Variants in ODF2L observed in about 807,000 individuals in gnomAD.
The protein encoded by ODF2L is outer dense fiber of sperm tails 2 like.
In ODF2L, 76 loss-of-function variants were observed where a neutral mutation model predicts 86.3. That is an observed-to-expected ratio of 0.88 (90% CI 0.73 to 1.07). The LOEUF is 1.07. Ranked by LOEUF, ODF2L falls within the 50% of genes least tolerant of loss-of-function variation. The pLI is 0.00. For synonymous variants in ODF2L, 241 were observed against 231.3 expected (o/e 1.04, Z -0.38); for missense variants, 748 against 717.4 (o/e 1.04, Z -0.49).
In ODF2L at chr1:86,358,243, C is replaced by A. The variant is rs531087359; in HGVS notation, c.1359+544G>T. 6 of 200,066 alleles carry A rather than the reference C, an allele frequency of 3.0e-5. No homozygotes were observed. The South Asian group carries it at 5.3e-4, about 18-fold the overall frequency. The allele number at this position is 200,066 out of a possible 1,614,324, so 12.4% of individuals were successfully genotyped here. A position where few individuals can be genotyped will look rare whatever the true frequency, so the allele number is the denominator to read the frequency against. On this transcript the variant is annotated intron_variant, in intron 13 of 17. Transcript: ENST00000317336. ...TTCTTTACCAAAACAACACAAAAAA[C>A]CAAACAGAGATGCGGTTTCATTTAA...
rs558423770 is a variant in ODF2L at position 86,388,030 on chromosome 1, T to C, written c.-59-944A>G. On this transcript the variant is annotated intron_variant, in intron 1 of 17. Coordinates refer to ENST00000317336, the Ensembl canonical transcript of ODF2L. Reference sequence around the variant, plus strand: ...CCTTCCAAAGTGTCCATAAAATGTATATATTTTATCTGAATGTTCTATATA... The same window carrying C: ...CCTTCCAAAGTGTCCATAAAATGTACATATTTTATCTGAATGTTCTATATA... Among the ~76,000 whole-genome samples, 533 of 152,184 alleles carry C rather than the reference T, an allele frequency of 3.5e-3. 4 individuals are homozygous for C. Among genetic ancestry groups the C allele is most frequent in the African/African-American group, 0.012 (516 of 41,564 alleles).
intron 11 of ODF2L, among the ~76,000 whole-genome samples, chr1:86,363,225 T>C (rs1558020452): frequency 1.3e-5 from 2 of 152,178 alleles, no homozygotes; most frequent in South Asian, 4.1e-4. Flanking sequence ...TTTACTATTT[T>C]GGGAAACATC....
At chr1:86,357,647 G>T in intron 13 of ODF2L, 2 of 355,642 alleles carry the variant, frequency 5.6e-6, no homozygotes, top group Non-Finnish European at 7.8e-6. Context: ...TAAGGACACT[G>T]AGGGATCCAG....
chr1:86,366,631 C>A (rs1355677090), intron 11 of ODF2L, among the ~76,000 whole-genome samples: 23 of 139,172 alleles, frequency 1.7e-4, no homozygotes, highest in Non-Finnish European at 2.0e-4. Flanking sequence ...CAATTGGAAA[C>A]AATAAATTGA....
intron 11 of ODF2L, among the ~76,000 whole-genome samples, chr1:86,367,025 A>T (rs960798840): frequency 6.6e-6 from 1 of 152,152 alleles, no homozygotes; most frequent in Non-Finnish European, 1.5e-5. Context: ...ACACAACTAG[A>T]TGTGTGTGAA....
downstream of ODF2L, chr1:86,348,688 A>G (rs1657924702): frequency 7.9e-7 from 1 of 1,265,758 alleles, no homozygotes; most frequent in Non-Finnish European, 1.0e-6. Flanking sequence ...TTATTTTTTT[A>G]CCCAATCACA....
exon 14 of ODF2L, chr1:86,356,598 C>T: frequency 6.2e-7 from 1 of 1,613,124 alleles, no homozygotes; most frequent in Non-Finnish European, 8.5e-7. Flanking sequence ...CATCTGGCCT[C>T]TCATCTGAGT....
At chr1:86,390,736 G>A (rs191762405) in intron 1 of ODF2L, among the ~76,000 whole-genome samples, 1 of 152,038 alleles carries the variant, frequency 6.6e-6, no homozygotes. Flanking sequence ...ATACTGAATG[G>A]GGAAAAGTTG....
intron 1 of ODF2L, among the ~76,000 whole-genome samples, chr1:86,391,645 C>T (rs1485412172): frequency 6.6e-6 from 1 of 152,138 alleles, no homozygotes. Flanking sequence ...GAAATTGGAT[C>T]TTCATCTCTC....
chr1:86,376,444 A>C, intron 7 of ODF2L, 26 bp from the exon 8 acceptor site: 1 of 1,450,196 alleles, frequency 6.9e-7, no homozygotes. Flanking sequence ...GCAACAATTA[A>C]ATTATTTCAG....
chr1:86,354,642 G>T (rs771718169), exon 16 of ODF2L: 3 of 1,611,992 alleles, frequency 1.9e-6, no homozygotes, highest in Non-Finnish European at 1.7e-6. Context: ...TTCTTGGTTT[G>T]CCAGCTTCTT....
chr1:86,394,050 G>C (rs1211305858), intron 1 of ODF2L, among the ~76,000 whole-genome samples: 2 of 152,186 alleles, frequency 1.3e-5, no homozygotes, highest in Non-Finnish European at 2.9e-5. Context: ...CAACACGACA[G>C]CTGTTGCCAT....
Position 86,352,998 on chromosome 1 carries a change from CAA to C in ODF2L, c.1768-16_1768-15del, listed in dbSNP as rs1658254494. ...TTCTTCAGCAACCTGTAATTTTTAT[CAA>C]AAGAGTAAAATAAAGTGCTTTCTTT... On this transcript the variant is annotated splice_polypyrimidine_tract_variant and intron_variant, in intron 16 of 17. Coordinates refer to ENST00000317336, the Ensembl canonical transcript of ODF2L. The C allele has an allele frequency of 6.1e-6, 9 of 1,466,538 alleles. No individual in the cohort carries two copies. Among genetic ancestry groups the C allele is most frequent in the Non-Finnish European group, 8.4e-6 (9 of 1,065,560 alleles). 90.8% of individuals were successfully genotyped at this position (1,466,538 alleles called of 1,614,324 possible). A position where few individuals can be genotyped will look rare whatever the true frequency, so the allele number is the denominator to read the frequency against.
chr1:86,392,389 T>C (rs1172249243), intron 1 of ODF2L, among the ~76,000 whole-genome samples: 1 of 152,100 alleles, frequency 6.6e-6, no homozygotes, highest in East Asian at 1.9e-4. Context: ...CACATGCATG[T>C]TTATAGCAAC....
In ODF2L at chr1:86,383,883, T is replaced by C. The variant is rs12059618; in HGVS notation, c.373-687A>G. Among the ~76,000 whole-genome samples the C allele has an allele frequency of 2.2e-3, 333 of 151,880 alleles. 1 individual carries two copies. Among genetic ancestry groups the C allele is most frequent in the African/African-American group, 7.7e-3 (320 of 41,552 alleles). ...AATATTGATGATACAGTGTTAAGTA[T>C]AAAAGTCCAGTTACAAAACAAAGAT... On this transcript the variant is annotated intron_variant, in intron 4 of 17. Transcript: ENST00000317336.
intron 1 of ODF2L, among the ~76,000 whole-genome samples, chr1:86,387,980 A>T (rs113915894): frequency 0.014 from 2,080 of 152,200 alleles, 22 homozygotes; most frequent in Middle Eastern, 0.037. Flanking sequence ...CAGGTTGAAG[A>T]TTATTTAAAT....
chr1:86,369,420 T>C (rs1659651022), intron 10 of ODF2L, among the ~76,000 whole-genome samples: 1 of 152,182 alleles, frequency 6.6e-6, no homozygotes, highest in Non-Finnish European at 1.5e-5. Context: ...TAGATTCCTA[T>C]TTCCTCCACT....
At chr1:86,384,936 G>A (rs1010560632) in intron 3 of ODF2L, 135 bp from the exon 4 acceptor site, 7 of 544,786 alleles carry the variant, frequency 1.3e-5, no homozygotes, top group Middle Eastern at 1.1e-3. Context: ...TAAATGCTAC[G>A]AAATTTGTCA....
intron 1 of ODF2L, among the ~76,000 whole-genome samples, chr1:86,388,857 A>G (rs1661127919): frequency 6.6e-6 from 1 of 152,116 alleles, no homozygotes; most frequent in Non-Finnish European, 1.5e-5. Flanking sequence ...AAATCAACAC[A>G]CTGTAAAAAT....
Sources: gnomAD v4.1 joint callset for allele counts (sites outside exome capture counted in the v4.1 genomes callset) on GRCh38, gnomAD v4.1.1 for gene constraint, MANE v1.5 for transcripts, NCBI Gene and HGNC (gene_info 2026-07-23, HGNC 2026-07-21) for gene names.